Variants in DAB1 observed in about 807,000 individuals in gnomAD.
DAB1 encodes DAB adaptor protein 1.
DAB1 carries 15 observed loss-of-function variants against 64.6 expected under a neutral mutation model. The observed-to-expected ratio is 0.23, with a 90% CI of 0.16 to 0.36. DAB1 has a LOEUF of 0.36. Among genes scored for constraint, DAB1 ranks in the 10% least tolerant of loss-of-function variants. The pLI is 1.00. For synonymous variants in DAB1, 235 were observed against 251.9 expected (o/e 0.93, Z 0.64); for missense variants, 596 against 706.7 (o/e 0.84, Z 1.78).
At chr1:58,175,410 G>A (rs1406863395) in intron 4 of DAB1, among the ~76,000 whole-genome samples, 1 of 152,198 alleles carries the variant, frequency 6.6e-6, no homozygotes, top group Non-Finnish European at 1.5e-5. Context: ...CTCACTGCCA[G>A]GGTCCACGGC....
chr1:57,610,507 G>A (rs900655603), intron 7 of DAB1, among the ~76,000 whole-genome samples: 10 of 152,154 alleles, frequency 6.6e-5, no homozygotes, highest in African/African-American at 2.4e-4. Flanking sequence ...CCAGAACCTA[G>A]GCTTTTAACC....
At chr1:57,121,118 GA>G (rs1364781686) in intron 4 of DAB1, among the ~76,000 whole-genome samples, 33 of 148,228 alleles carry the variant, frequency 2.2e-4, no homozygotes, top group Admixed American at 1.2e-3. Context: ...AGAAGAAGAG[GA>G]AGAAGAAGAA....
Position 58,296,166 on chromosome 1 carries a change from GAAAGAAAAAA to G in DAB1, n.309+47176_309+47185del, listed in dbSNP as rs1373300023. ...AGGAAAGAAAGAAAAAAGAAAGAAA[GAAAGAAAAAA>G]GAAAGAAAGAGAAAGAAAGAGAAAG... On this transcript the variant is annotated intron_variant and non_coding_transcript_variant, in intron 4 of 20. Transcript: ENST00000485760. Among the ~76,000 whole-genome samples, 135 of 73,074 alleles carry G rather than the reference GAAAGAAAAAA, an allele frequency of 1.8e-3. 2 individuals are homozygous for G. The highest frequency in any genetic ancestry group is 4.8e-3 in the East Asian group (9 of 1,868). 47.9% of individuals were successfully genotyped at this position (73,074 alleles called of 152,430 possible).
At chr1:57,413,023 G>T (rs1684230499) in intron 1 of DAB1, among the ~76,000 whole-genome samples, 1 of 152,070 alleles carries the variant, frequency 6.6e-6, no homozygotes. Flanking sequence ...GAATGCAGCT[G>T]GCTACTTTAC....
intron 9 of DAB1, among the ~76,000 whole-genome samples, chr1:57,031,069 T>C (rs1429008096): frequency 6.6e-6 from 1 of 152,220 alleles, no homozygotes; most frequent in African/African-American, 2.4e-5. Flanking sequence ...AAAATAACCT[T>C]CATACTTGAG....
chr1:58,045,283 G>C (rs1347482513), intron 5 of DAB1, among the ~76,000 whole-genome samples: 1 of 152,174 alleles, frequency 6.6e-6, no homozygotes, highest in African/African-American at 2.4e-5. Context: ...TGCTGGCAGG[G>C]GCTGTGGAGT....
intron 1 of DAB1, among the ~76,000 whole-genome samples, chr1:57,331,674 T>C: frequency 6.6e-6 from 1 of 152,228 alleles, no homozygotes; most frequent in Middle Eastern, 3.2e-3. Flanking sequence ...AAGATACAGA[T>C]GAACATTCCT....
chr1:57,974,342 C>G (rs758084608), intron 5 of DAB1, among the ~76,000 whole-genome samples: 2 of 151,984 alleles, frequency 1.3e-5, no homozygotes, highest in Non-Finnish European at 2.9e-5. Context: ...TCTCATCTAC[C>G]TCCCCTCACT....
chr1:57,141,393 T>C (rs894656859), intron 3 of DAB1, among the ~76,000 whole-genome samples: 2 of 152,152 alleles, frequency 1.3e-5, no homozygotes, highest in African/African-American at 2.4e-5. Flanking sequence ...CTTATCATCC[T>C]TCATTTGCAT....
chr1:58,249,330 C>G (rs1048302304), intron 4 of DAB1, among the ~76,000 whole-genome samples: 1 of 152,034 alleles, frequency 6.6e-6, no homozygotes, highest in African/African-American at 2.4e-5. Flanking sequence ...GCCCCACACC[C>G]CACCTGGGCT....
intron 3 of DAB1, among the ~76,000 whole-genome samples, chr1:58,502,764 C>T (rs1257830305): frequency 6.6e-6 from 1 of 152,036 alleles, no homozygotes; most frequent in Non-Finnish European, 1.5e-5. Context: ...AACAATATAC[C>T]CTTGTACTAT....
At chr1:57,808,651 T>C (rs1651478496) in intron 6 of DAB1, among the ~76,000 whole-genome samples, 1 of 152,224 alleles carries the variant, frequency 6.6e-6, no homozygotes, top group African/African-American at 2.4e-5. Context: ...GGAATACTCT[T>C]ATTTTGATAA....
At chr1:57,289,286 G>T (rs1000438247) in intron 2 of DAB1, among the ~76,000 whole-genome samples, 16 of 152,198 alleles carry the variant, frequency 1.1e-4, no homozygotes, top group African/African-American at 3.6e-4. Context: ...AATGCATTAA[G>T]CATTCAAGAG....
chr1:57,831,733 A>G (rs1652600442), intron 1 of DAB1, among the ~76,000 whole-genome samples: 1 of 151,890 alleles, frequency 6.6e-6, no homozygotes, highest in African/African-American at 2.4e-5. Flanking sequence ...TTGTAGAGAC[A>G]GGGTCTCACT....
chr1:57,121,792 G>A lies in DAB1; in HGVS notation c.306+14751C>T, dbSNP rs575473444. ...TTCTGCATTTGGCTAGGAAGGTGGT[G>A]GGCAAGGGGAGAGAACTTAGAGGAC... On this transcript the variant is annotated intron_variant, in intron 4 of 14. Coordinates refer to ENST00000371236, the MANE Select transcript of DAB1 (RefSeq NM_001365792.1). Among the ~76,000 whole-genome samples, 35 of 152,090 alleles carry A rather than the reference G, an allele frequency of 2.3e-4. 1 individual carries two copies. The South Asian group carries it at 7.3e-3, about 32-fold the overall frequency.
In DAB1 at chr1:58,300,632, GAGAGAGAGAGAGAGAGGAAGGA is replaced by G. The variant is rs1177655960; in HGVS notation, n.309+42698_309+42719del. Among the ~76,000 whole-genome samples the G allele has an allele frequency of 1.8e-3, 126 of 69,798 alleles. 3 individuals are homozygous for G. Among genetic ancestry groups the G allele is most frequent in the South Asian group, 0.011 (15 of 1,368 alleles). 45.8% of individuals were successfully genotyped at this position (69,798 alleles called of 152,430 possible). On this transcript the variant is annotated intron_variant and non_coding_transcript_variant, in intron 4 of 20. Coordinates refer to the DAB1 transcript ENST00000485760. ...AGAAAGAGAGAGAGAGAGAGAGAGA[GAGAGAGAGAGAGAGAGGAAGGA>G]AGGAAGGAAGGAAGGAAGGAAGGAA...
intron 3 of DAB1, among the ~76,000 whole-genome samples, chr1:58,461,435 A>G (rs1399465388): frequency 6.6e-6 from 1 of 152,228 alleles, no homozygotes. Flanking sequence ...AGGCAGGGGT[A>G]GCTAGAAGGG....
At chr1:58,239,621 A>G (rs891762138) in intron 4 of DAB1, among the ~76,000 whole-genome samples, 1 of 152,146 alleles carries the variant, frequency 6.6e-6, no homozygotes, top group Non-Finnish European at 1.5e-5. Context: ...GTTGATTACC[A>G]GGGGACCCTT....
intron 4 of DAB1, among the ~76,000 whole-genome samples, chr1:58,252,864 CT>C (rs1660836260): frequency 6.6e-6 from 1 of 152,200 alleles, no homozygotes; most frequent in African/African-American, 2.4e-5. Flanking sequence ...AGACCCAGAA[CT>C]GTAGATCGCC....
Sources: gnomAD v4.1 joint callset for allele counts (sites outside exome capture counted in the v4.1 genomes callset) on GRCh38, gnomAD v4.1.1 for gene constraint, MANE v1.5 for transcripts, NCBI Gene and HGNC (gene_info 2026-07-23, HGNC 2026-07-21) for gene names.